PXDN: variants seen among roughly 807,000 people sequenced by gnomAD.
PXDN encodes peroxidasin homolog.
A neutral mutation model predicts 140.3 loss-of-function variants in PXDN; 77 were observed. That is an observed-to-expected ratio of 0.55 (90% CI 0.46 to 0.66). The LOEUF is 0.66. Ranked by LOEUF, PXDN falls within the 30% of genes least tolerant of loss-of-function variation. The probability of loss-of-function intolerance (pLI) is 0.00; values close to 1 mark genes in which losing one functional copy is unlikely to be tolerated. For synonymous variants in PXDN, 911 were observed against 857.4 expected (o/e 1.06, Z -1.09); for missense variants, 1,838 against 2,039.5 (o/e 0.90, Z 1.90).
intron 10 of PXDN, among the ~76,000 whole-genome samples, chr2:1,665,535 A>G: frequency 6.6e-6 from 1 of 152,256 alleles, no homozygotes; most frequent in East Asian, 1.9e-4. Flanking sequence ...CATTTTTATA[A>G]AAGTAACAGC....
chr2:1,710,572 CTCTCCACTA>C (rs1684731118), intron 1 of PXDN, among the ~76,000 whole-genome samples: 1 of 145,690 alleles, frequency 6.9e-6, no homozygotes, highest in African/African-American at 2.6e-5. Flanking sequence ...CACCAGCACC[CTCTCCACTA>C]GCACCCTCTC....
intron 17 of PXDN, among the ~76,000 whole-genome samples, chr2:1,645,337 A>T (rs1259038929): frequency 6.6e-6 from 1 of 152,250 alleles, no homozygotes; most frequent in African/African-American, 2.4e-5. Context: ...ATATAGGCTT[A>T]TAAGCAACAT....
intron 6 of PXDN, among the ~76,000 whole-genome samples, chr2:1,681,850 C>G (rs1366258830): frequency 6.6e-6 from 1 of 152,168 alleles, no homozygotes; most frequent in South Asian, 2.1e-4. Context: ...GTGGAGCGAG[C>G]TGCTCAGGGC....
At chr2:1,667,218 A>G (rs1289548358) in intron 9 of PXDN, among the ~76,000 whole-genome samples, 1 of 152,210 alleles carries the variant, frequency 6.6e-6, no homozygotes, top group East Asian at 1.9e-4. Flanking sequence ...AAATGAATCC[A>G]GGAGCTGGAT....
chr2:1,706,500 A>C (rs1331378578), intron 1 of PXDN, among the ~76,000 whole-genome samples: 1 of 151,742 alleles, frequency 6.6e-6, no homozygotes, highest in Non-Finnish European at 1.5e-5. Flanking sequence ...CCCCACTAAT[A>C]ATACAATCTG....
rs536577825 is a variant in PXDN at position 1,649,996 on chromosome 2, C to T, written c.2105-321G>A. On this transcript the variant is annotated intron_variant, in intron 16 of 22. Coordinates refer to ENST00000252804, the MANE Select transcript of PXDN (RefSeq NM_012293.3). This position sits in a 1 kb window ranked among gnomAD's most constrained non-coding sequence, Gnocchi z 7.1. ...TGGGAGACCCCTAACCGATGGAGCC[C>T]GACCCACGTTGACCAGTCCAGGCTG... Among the ~76,000 whole-genome samples the T allele has an allele frequency of 6.6e-6, 1 of 152,202 alleles. No homozygotes were observed. Among genetic ancestry groups the T allele is most frequent in the African/African-American group, 2.4e-5 (1 of 41,514 alleles).
chr2:1,717,894 C>T (rs192796171), intron 1 of PXDN, among the ~76,000 whole-genome samples: 2,214 of 150,482 alleles, frequency 0.015, 61 homozygotes, highest in African/African-American at 0.051. Context: ...CCAAACCTGC[C>T]CTACCCACTA....
chr2:1,714,173 C>T lies in PXDN; in HGVS notation c.201-21039G>A, dbSNP rs377376136. On this transcript the variant is annotated intron_variant, in intron 1 of 22. Coordinates refer to ENST00000252804, the MANE Select transcript of PXDN (RefSeq NM_012293.3). The surrounding 1 kb of genome is among the most constrained non-coding windows in gnomAD (Gnocchi z 4.3). ...CCAGGATACTGTTTTTTTCAACTACCTCATTTATTGCTCTTACATCTGCAC... is the reference window on the plus strand; with the variant it reads ...CCAGGATACTGTTTTTTTCAACTACTTCATTTATTGCTCTTACATCTGCAC... 3.7e-4 allele frequency among the ~76,000 whole-genome samples: 56 copies of T among 152,294 alleles called. 1 individual carries two copies. The East Asian group carries it at 0.01, about 27-fold the overall frequency.
intron 1 of PXDN, among the ~76,000 whole-genome samples, chr2:1,702,332 C>T (rs982592137): frequency 6.6e-5 from 10 of 152,322 alleles, no homozygotes; most frequent in Middle Eastern, 3.4e-3. Flanking sequence ...CCCCTGTCAC[C>T]GAGGCTTCCT....
At chr2:1,675,532 C>A (rs1025893674) in intron 8 of PXDN, among the ~76,000 whole-genome samples, 1 of 152,174 alleles carries the variant, frequency 6.6e-6, no homozygotes, top group East Asian at 1.9e-4. Context: ...CTGCACCTTA[C>A]AGGCTCCTTG....
At chr2:1,740,043 C>T (rs1338399613) in intron 1 of PXDN, among the ~76,000 whole-genome samples, 1 of 152,218 alleles carries the variant, frequency 6.6e-6, no homozygotes, top group East Asian at 1.9e-4. Flanking sequence ...CACTCACACC[C>T]GGGACCACTG....
At chr2:1,695,416 C>T (rs886940122) in intron 1 of PXDN, among the ~76,000 whole-genome samples, 6 of 131,858 alleles carry the variant, frequency 4.6e-5, no homozygotes, top group African/African-American at 1.7e-4. Flanking sequence ...CTGTCCCATC[C>T]ACAGGCCCCT....
rs1683293027 is a variant in PXDN at position 1,661,039 on chromosome 2, T to G, written c.1681-2A>C. The G allele has an allele frequency of 6.2e-7, 1 of 1,613,950 alleles. No individual in the cohort carries two copies. Among genetic ancestry groups the G allele is most frequent in the Non-Finnish European group, 8.5e-7 (1 of 1,179,838 alleles). ...ACTTTCTGTCACCTGAACCCCATCC[T>G]GGAGCAAAACAGAATGAAAACAGTA... On this transcript the variant is annotated splice_acceptor_variant, in intron 13 of 22. Coordinates refer to ENST00000252804, the MANE Select transcript of PXDN (RefSeq NM_012293.3). LOFTEE classifies it high-confidence loss of function.
chr2:1,638,875 G>C lies in PXDN; in HGVS notation c.4177C>G (p.Gln1393Glu), dbSNP rs776635258. ...NDFREFVLEM[Q>E]KTITDLRTQI... Reference sequence around the variant, plus strand: ...GTTCTGAGGTCTGTGATGGTCTTCTGCATTTCCAGAACAAACTCTCTGAAG... The same window carrying C: ...GTTCTGAGGTCTGTGATGGTCTTCTCCATTTCCAGAACAAACTCTCTGAAG... Residue 1393 changes from glutamine to glutamate, a missense_variant, in exon 21 of 23, where the codon CAG becomes GAG. Coordinates refer to ENST00000252804, the MANE Select transcript of PXDN (RefSeq NM_012293.3). 6.2e-7 allele frequency: 1 copy of C among 1,614,000 alleles called. No individual in the cohort carries two copies. The highest frequency in any genetic ancestry group is 2.2e-5 in the East Asian group (1 of 44,882).
At position 1,673,806 on chromosome 2, in the gene PXDN, C is replaced by T; in HGVS notation, c.855G>A (p.Glu285=). The T allele has an allele frequency of 6.2e-7, 1 of 1,613,960 alleles. No homozygotes were observed. The highest frequency in any genetic ancestry group is 2.2e-5 in the East Asian group (1 of 44,870). Residue 285 remains glutamate, a synonymous_variant, in exon 9 of 23, where the codon GAG becomes GAA. Coordinates refer to ENST00000252804, the MANE Select transcript of PXDN (RefSeq NM_012293.3). The part of the protein sequence containing the change: ...PEIIWLRNNN[E]LSMKTDSRLN... ...GGCGGGAATCTGTCTTCATGCTCAG[C>T]TCATTACTACAAAGACAGAAATATG...
chr2:1,644,171 C>T (rs779949244), intron 18 of PXDN, among the ~76,000 whole-genome samples: 1 of 150,264 alleles, frequency 6.7e-6, no homozygotes, highest in South Asian at 2.1e-4. Flanking sequence ...ACAAAACTGG[C>T]ATGGCAGTTA....
At chr2:1,716,440 GAAAAAAAAAA>G (rs550784477) in intron 1 of PXDN, among the ~76,000 whole-genome samples, 33 of 58,224 alleles carry the variant, frequency 5.7e-4, no homozygotes, top group African/African-American at 1.8e-3. Context: ...TCCATCTCAG[GAAAAAAAAAA>G]AAAAAAAAAA....
chr2:1,650,252 T>C (rs1322799766), intron 16 of PXDN, among the ~76,000 whole-genome samples: 1 of 152,146 alleles, frequency 6.6e-6, no homozygotes, highest in Non-Finnish European at 1.5e-5. Flanking sequence ...TCCTCTCCAT[T>C]TCTCTGGCAG....
At chr2:1,713,024 C>T (rs1684819768) in intron 1 of PXDN, among the ~76,000 whole-genome samples, 1 of 152,094 alleles carries the variant, frequency 6.6e-6, no homozygotes, top group South Asian at 2.1e-4. Context: ...TGTGTCCGGC[C>T]GTTTTGGAGT....
Sources: allele counts gnomAD v4.1 joint callset (sites outside exome capture counted in the v4.1 genomes callset), GRCh38; gene constraint gnomAD v4.1.1; non-coding constraint Gnocchi (gnomAD v3.1); transcripts MANE v1.5; gene names NCBI Gene and HGNC (gene_info 2026-07-23, HGNC 2026-07-21).